NAALADL2: variants seen among roughly 807,000 people sequenced by gnomAD.
NAALADL2 encodes the protein N-acetylated alpha-linked acidic dipeptidase like 2.
A neutral mutation model predicts 87.2 loss-of-function variants in NAALADL2; 76 were observed. The observed-to-expected ratio is 0.87, with a 90% CI of 0.72 to 1.05. NAALADL2 has a LOEUF of 1.05. Ranked by LOEUF, NAALADL2 falls within the 50% of genes least tolerant of loss-of-function variation. NAALADL2 has a pLI of 0.00. For missense variants in NAALADL2, 1,089 were observed against 945.8 expected (o/e 1.15, Z -1.99); for synonymous variants, 354 against 331.0 (o/e 1.07, Z -0.75).
intron 11 of NAALADL2, among the ~76,000 whole-genome samples, chr3:175,635,269 T>C (rs1728355784): frequency 6.6e-6 from 1 of 152,072 alleles, no homozygotes; most frequent in Admixed American, 6.6e-5. Flanking sequence ...TTACACAATA[T>C]GTGATTGTCA....
chr3:174,588,653 G>T (rs1330009951), intron 2 of NAALADL2, among the ~76,000 whole-genome samples: 1 of 152,198 alleles, frequency 6.6e-6, no homozygotes, highest in Non-Finnish European at 1.5e-5. Flanking sequence ...TCCAGACCCT[G>T]TTTGCCTGGG....
chr3:175,786,070 G>A (rs867495516), intron 13 of NAALADL2, among the ~76,000 whole-genome samples: 58 of 152,204 alleles, frequency 3.8e-4, no homozygotes, highest in African/African-American at 5.5e-4. Flanking sequence ...CGAGAGATCC[G>A]CTGTTAGTCT....
chr3:174,704,646 A>C (rs577691948), intron 2 of NAALADL2, among the ~76,000 whole-genome samples: 1 of 152,132 alleles, frequency 6.6e-6, no homozygotes, highest in East Asian at 1.9e-4. Context: ...GGAAAATATT[A>C]TCAATTCATA....
chr3:174,790,465 C>T (rs1254283975), intron 3 of NAALADL2, among the ~76,000 whole-genome samples: 2 of 151,992 alleles, frequency 1.3e-5, no homozygotes, highest in Non-Finnish European at 2.9e-5. Flanking sequence ...GCCTGGCCAA[C>T]ATGGTGAAAC....
chr3:174,713,007 A>G (rs1371582684), intron 2 of NAALADL2, among the ~76,000 whole-genome samples: 1 of 151,692 alleles, frequency 6.6e-6, no homozygotes, highest in African/African-American at 2.4e-5. Flanking sequence ...CCTGTGTGCA[A>G]GTGTTCTCAT....
chr3:175,618,549 C>G (rs1284689662), intron 10 of NAALADL2, among the ~76,000 whole-genome samples: 2 of 152,042 alleles, frequency 1.3e-5, no homozygotes, highest in African/African-American at 2.4e-5. Context: ...CAAAGGAGTT[C>G]TAGTGATTCA....
intron 2 of NAALADL2, among the ~76,000 whole-genome samples, chr3:175,110,330 CTT>C (rs1162534144): frequency 1.3e-5 from 2 of 151,722 alleles, no homozygotes; most frequent in African/African-American, 4.8e-5. Context: ...TGTATGTTAA[CTT>C]TTAAAAAATA....
intron 2 of NAALADL2, among the ~76,000 whole-genome samples, chr3:174,556,990 C>G (rs995455796): frequency 2.0e-5 from 3 of 152,158 alleles, no homozygotes; most frequent in African/African-American, 4.8e-5. Context: ...AAGCAGTCCT[C>G]CCTCCTTGGC....
At chr3:175,225,369 C>T (rs1282870148) in intron 2 of NAALADL2, among the ~76,000 whole-genome samples, 1 of 151,964 alleles carries the variant, frequency 6.6e-6, no homozygotes, top group Non-Finnish European at 1.5e-5. Context: ...AAAAATATTT[C>T]CTGAACATTG....
chr3:174,864,138 T>G (rs1312948932), intron 1 of NAALADL2: 7 of 449,294 alleles, frequency 1.6e-5, no homozygotes, highest in Non-Finnish European at 2.7e-5. Context: ...CATGTGAAGA[T>G]GGACTGGGTA....
chr3:175,301,744 G>T (rs12630370), intron 4 of NAALADL2, among the ~76,000 whole-genome samples: 13,600 of 152,186 alleles, frequency 0.089, 985 homozygotes, highest in African/African-American at 0.19. Context: ...CTTAAGTGAA[G>T]AATGGAATAT....
At chr3:174,946,043 CAAAAAAAAAAAAAAAAA>C (rs57964168) in intron 1 of NAALADL2, among the ~76,000 whole-genome samples, 2 of 50,264 alleles carry the variant, frequency 4.0e-5, no homozygotes, top group East Asian at 1.2e-3. Context: ...GACTCTGCCT[CAAAAAAAAAAAAAAAAA>C]AAAAAAAAAA....
chr3:174,558,180 C>T (rs575264141), intron 2 of NAALADL2, among the ~76,000 whole-genome samples: 45 of 152,194 alleles, frequency 3.0e-4, no homozygotes, highest in African/African-American at 1.0e-3. Flanking sequence ...CAGTCAAGGG[C>T]CAAAGTTGTA....
chr3:174,894,065 A>C (rs2109810413), intron 1 of NAALADL2, among the ~76,000 whole-genome samples: 1 of 152,324 alleles, frequency 6.6e-6, no homozygotes, highest in East Asian at 1.9e-4. Context: ...GTACTTAGAG[A>C]AATTAGATTT....
At position 174,501,181 on chromosome 3, in the gene NAALADL2, C is replaced by A. The variant is rs1045616531; in HGVS notation, c.-183-49388C>A. On this transcript the variant is annotated intron_variant, in intron 1 of 3. Transcript: ENST00000434257. Reference sequence around the variant, plus strand: ...GCAAGCTCCGCCTCCCGGGTTCACGCCATTCTCCTGCCTCAGCCTCCCAAG... The same window carrying A: ...GCAAGCTCCGCCTCCCGGGTTCACGACATTCTCCTGCCTCAGCCTCCCAAG... Among the ~76,000 whole-genome samples, 5 of 148,048 alleles carry A rather than the reference C, an allele frequency of 3.4e-5. No individual in the cohort carries two copies. The South Asian group carries it at 1.1e-3, about 31-fold the overall frequency.
chr3:174,941,075 T>C (rs1029630886), intron 1 of NAALADL2, among the ~76,000 whole-genome samples: 5 of 152,072 alleles, frequency 3.3e-5, no homozygotes, highest in South Asian at 2.1e-4. Flanking sequence ...GCTTCTGTAA[T>C]TCTTCCAGTT....
chr3:174,873,024 C>A (rs1728036811), intron 1 of NAALADL2, among the ~76,000 whole-genome samples: 1 of 152,170 alleles, frequency 6.6e-6, no homozygotes, highest in East Asian at 1.9e-4. Context: ...TCACCCATTT[C>A]TTCTCCACCC....
chr3:174,762,432 C>T (rs993605235), intron 3 of NAALADL2, among the ~76,000 whole-genome samples: 24 of 148,164 alleles, frequency 1.6e-4, no homozygotes, highest in Admixed American at 1.5e-3. Flanking sequence ...GGATTACAGG[C>T]GTGAGCCACC....
chr3:174,646,083 GTCTT>G (rs1170377884), intron 2 of NAALADL2, among the ~76,000 whole-genome samples: 2 of 152,080 alleles, frequency 1.3e-5, no homozygotes, highest in East Asian at 1.9e-4. Flanking sequence ...TCTTTCAACA[GTCTT>G]TCTGTTAGAT....
Sources: gnomAD v4.1 joint callset for allele counts (sites outside exome capture counted in the v4.1 genomes callset) on GRCh38, gnomAD v4.1.1 for gene constraint, MANE v1.5 for transcripts, NCBI Gene and HGNC (gene_info 2026-07-23, HGNC 2026-07-21) for gene names.